TACC1: variants seen among roughly 807,000 people sequenced by gnomAD.
The protein encoded by TACC1 is transforming acidic coiled-coil-containing protein 1.
TACC1 carries 48 observed loss-of-function variants against 84.4 expected under a neutral mutation model. That is an observed-to-expected ratio of 0.57 (90% CI 0.45 to 0.72). The LOEUF (loss-of-function observed/expected upper bound fraction) is 0.72, where lower values mean the gene tolerates loss of function less well. Ranked by LOEUF, TACC1 falls within the 30% of genes least tolerant of loss-of-function variation. The pLI, the probability that TACC1 is intolerant of heterozygous loss-of-function variation, is 0.00. For synonymous variants in TACC1, 372 were observed against 376.3 expected (o/e 0.99, Z 0.13); for missense variants, 920 against 973.0 (o/e 0.95, Z 0.72).
chr8:38,752,316 A>G (rs1809190936), intron 3 of TACC1, among the ~76,000 whole-genome samples: 1 of 152,076 alleles, frequency 6.6e-6, no homozygotes, highest in Non-Finnish European at 1.5e-5. Flanking sequence ...CTAAAATACA[A>G]AAAAATTAGC....
rs896891989 is a variant in TACC1 at position 38,822,465 on chromosome 8, A to T, written c.1391+1830A>T. Among the ~76,000 whole-genome samples the T allele has an allele frequency of 2.0e-5, 3 of 152,292 alleles. No individual in the cohort carries two copies. The East Asian group carries it at 5.8e-4, about 29-fold the overall frequency. On this transcript the variant is annotated intron_variant, in intron 3 of 12. Transcript: ENST00000317827. ...TGGTGAGTGAATGAGAAGGCCTTGGACATTACTGTACACTACTGTAGCTTC... is the reference window on the plus strand; with the variant it reads ...TGGTGAGTGAATGAGAAGGCCTTGGTCATTACTGTACACTACTGTAGCTTC...
At chr8:38,734,000 C>T (rs1805480789) in intron 1 of TACC1, among the ~76,000 whole-genome samples, 1 of 152,066 alleles carries the variant, frequency 6.6e-6, no homozygotes, top group Admixed American at 6.6e-5. Context: ...ATTCATGGCC[C>T]ATCAGTCATT....
intron 2 of TACC1, among the ~76,000 whole-genome samples, chr8:38,809,330 G>T (rs114648921): frequency 0.015 from 2,233 of 150,490 alleles, 47 homozygotes; most frequent in African/African-American, 0.052. Flanking sequence ...TGCCACGGCT[G>T]TTGACCCTTC....
Position 38,838,450 on chromosome 8 carries a change from T to G in TACC1, c.1840-20T>G, listed in dbSNP as rs1830629748. The G allele has an allele frequency of 6.3e-7, 1 of 1,590,180 alleles. No homozygotes were observed. The highest frequency in any genetic ancestry group is 1.1e-5 in the South Asian group (1 of 90,406). The stretch of plus-strand genomic sequence containing the variant: ...CAAATTGTAATAGATTGGGTAAAAC[T>G]AAGCTTTATTGTACTCTAGATAATT... On this transcript the variant is annotated intron_variant, in intron 7 of 12. Coordinates refer to ENST00000317827, the MANE Select transcript of TACC1 (RefSeq NM_006283.3).
At chr8:38,825,285 G>A in intron 3 of TACC1, 23 bp from the exon 4 acceptor site, 1 of 1,613,368 alleles carries the variant, frequency 6.2e-7, no homozygotes, top group Non-Finnish European at 8.5e-7. Flanking sequence ...AAACTGGCTT[G>A]TTTGTGTTTC....
intron 3 of TACC1, among the ~76,000 whole-genome samples, chr8:38,779,896 A>G (rs1194709574): frequency 1.3e-5 from 2 of 152,238 alleles, no homozygotes; most frequent in African/African-American, 2.4e-5. Flanking sequence ...ATTCATGTAA[A>G]GTGTAGTGTC....
Position 38,788,733 on chromosome 8 carries a change from C to A in TACC1, c.191C>A (p.Pro64His), listed in dbSNP as rs147087304. The A allele has an allele frequency of 1.2e-4, 192 of 1,613,850 alleles. No homozygotes were observed. Among genetic ancestry groups the A allele is most frequent in the Non-Finnish European group, 2.3e-5 (27 of 1,179,954 alleles). ...SSDSEGNFET[P>H]EAETPIRSPF... The stretch of plus-strand genomic sequence containing the variant: ...GATTCTGAAGGTAATTTTGAGACTC[C>A]TGAAGCTGAAACCCCGATCCGATCA... The change falls in exon 2 of 13, where the codon CCT becomes CAT. Residue 64 changes from proline (P) to histidine (H), a missense_variant. By Grantham distance (77) the Pro-to-His change is moderately conservative. Around this residue, in one of 2 missense-constraint regions of TACC1, gnomAD observed 762 missense variants for 747.3 expected, o/e 1.02. Transcript: ENST00000317827.
At chr8:38,745,435 T>C (rs1312690577) in exon 3 of TACC1, 1 of 667,382 alleles carries the variant, frequency 1.5e-6, no homozygotes, top group Non-Finnish European at 2.7e-6. Flanking sequence ...GAACGTAGTC[T>C]TAAGAGAAAA....
Position 38,843,328 on chromosome 8 carries a change from G to A in TACC1, c.2161G>A (p.Ala721Thr), listed in dbSNP as rs774335463. The A allele has an allele frequency of 1.0e-5, 16 of 1,607,972 alleles. No individual in the cohort carries two copies. The highest frequency in any genetic ancestry group is 1.4e-5 in the Non-Finnish European group (16 of 1,177,044). Residue 721 changes from alanine to threonine, a missense_variant, in exon 11 of 13, where the codon GCC becomes ACC. By Grantham distance (58) the Ala-to-Thr change is moderately conservative. This residue lies in a region of TACC1 where 158 missense variants were observed against 225.6 expected (regional missense o/e 0.70). Coordinates refer to ENST00000317827, the MANE Select transcript of TACC1 (RefSeq NM_006283.3). ...GAAGAAATGTGCTCAGGATTACTTA[G>A]CCAGAGTTAAACAAGAGGAGCAGCG... ...ALKKCAQDYL[A>T]RVKQEEQRYQ...
chr8:38,817,524 G>A (rs1434157858), intron 2 of TACC1, among the ~76,000 whole-genome samples: 1 of 152,062 alleles, frequency 6.6e-6, no homozygotes, highest in Non-Finnish European at 1.5e-5. Context: ...CCTATTCCTG[G>A]ACAACAGTTA....
At position 38,840,275 on chromosome 8, in the gene TACC1, G is replaced by T; in HGVS notation, c.1960+8G>T. ...CTATTGCTCAAATGATTGGTAAGGA[G>T]AACATTTTGTTTTTTGAGGGTATGA... On this transcript the variant is annotated splice_region_variant and intron_variant, in intron 9 of 12. Coordinates refer to ENST00000317827, the MANE Select transcript of TACC1 (RefSeq NM_006283.3). 1 of 1,612,332 alleles carries T rather than the reference G, an allele frequency of 6.2e-7. No individual in the cohort carries two copies. Among genetic ancestry groups the T allele is most frequent in the South Asian group, 1.1e-5 (1 of 90,950 alleles).
At chr8:38,743,155 G>T (rs1283560925) in intron 2 of TACC1, among the ~76,000 whole-genome samples, 2 of 152,062 alleles carry the variant, frequency 1.3e-5, no homozygotes, top group Admixed American at 6.6e-5. Flanking sequence ...ATGTCAGGTG[G>T]GTTAGGGTAC....
chr8:38,787,828 C>T, intron 1 of TACC1, 85 bp downstream of exon 1: 1 of 1,293,260 alleles, frequency 7.7e-7, no homozygotes, highest in Non-Finnish European at 1.0e-6. Flanking sequence ...TGTGTGGTCG[C>T]CACCCGCGAA....
intron 9 of TACC1, among the ~76,000 whole-genome samples, chr8:38,840,874 A>G (rs1171173377): frequency 6.6e-6 from 1 of 151,976 alleles, no homozygotes; most frequent in Non-Finnish European, 1.5e-5. Flanking sequence ...ACATGGAGAA[A>G]CCCCGTCTCT....
intron 2 of TACC1, among the ~76,000 whole-genome samples, chr8:38,810,663 A>G (rs1823872480): frequency 6.6e-6 from 1 of 152,186 alleles, no homozygotes; most frequent in Non-Finnish European, 1.5e-5. Context: ...TAAAGCTCAA[A>G]GATGAAAGTG....
At chr8:38,735,419 G>T (rs1271962738) in intron 1 of TACC1, among the ~76,000 whole-genome samples, 1 of 152,208 alleles carries the variant, frequency 6.6e-6, no homozygotes, top group African/African-American at 2.4e-5. Context: ...TGCCTGGGAG[G>T]CTGGCCAGAC....
intron 7 of TACC1, 94 bp from the exon 8 acceptor site, chr8:38,838,376 T>A: frequency 1.2e-6 from 1 of 809,852 alleles, no homozygotes; most frequent in Non-Finnish European, 2.1e-6. Context: ...AGATTGAACA[T>A]CTTGGGTTAG....
intron 2 of TACC1, among the ~76,000 whole-genome samples, chr8:38,804,598 G>T (rs866222623): frequency 5.1e-4 from 77 of 152,162 alleles, no homozygotes; most frequent in African/African-American, 1.7e-3. Flanking sequence ...ACTGTGCCCG[G>T]CCTGTTGCAA....
intron 2 of TACC1, among the ~76,000 whole-genome samples, chr8:38,815,000 A>G (rs1825091177): frequency 6.6e-6 from 1 of 152,200 alleles, no homozygotes; most frequent in African/African-American, 2.4e-5. Context: ...CCAGTATATC[A>G]GTTTGATTTA....
Sources: gnomAD v4.1 joint callset for allele counts (sites outside exome capture counted in the v4.1 genomes callset) on GRCh38, gnomAD v4.1.1 for gene constraint, gnomAD v4.1.1 regional missense constraint, MANE v1.5 for transcripts, NCBI Gene and HGNC (gene_info 2026-07-23, HGNC 2026-07-21) for gene names.